Variants in KCNH8 observed in about 807,000 individuals in gnomAD.
KCNH8 encodes voltage-gated delayed rectifier potassium channel KCNH8.
A neutral mutation model predicts 103.6 loss-of-function variants in KCNH8; 70 were observed. That is an observed-to-expected ratio of 0.68 (90% CI 0.56 to 0.82). The LOEUF (loss-of-function observed/expected upper bound fraction) is 0.82, where lower values mean the gene tolerates loss of function less well. KCNH8 is among the 40% of genes least tolerant of loss of function. The pLI is 0.00. For missense variants in KCNH8, 1,217 were observed against 1,329.9 expected (o/e 0.92, Z 1.32); for synonymous variants, 498 against 489.4 (o/e 1.02, Z -0.23).
chr3:19,496,435 G>C (rs1036363088), intron 11 of KCNH8, among the ~76,000 whole-genome samples: 1 of 152,112 alleles, frequency 6.6e-6, no homozygotes, highest in Non-Finnish European at 1.5e-5. Flanking sequence ...AGACTTTTCT[G>C]CATCTATTGA....
At chr3:19,275,404 G>A (rs543369040) in intron 2 of KCNH8, among the ~76,000 whole-genome samples, 1 of 151,966 alleles carries the variant, frequency 6.6e-6, no homozygotes, top group Admixed American at 6.5e-5. Context: ...CCCCCACGCT[G>A]CCCTCCACTG....
intron 11 of KCNH8, among the ~76,000 whole-genome samples, chr3:19,478,669 T>C (rs755891915): frequency 1.8e-4 from 28 of 152,154 alleles, no homozygotes; most frequent in Non-Finnish European, 3.5e-4. Flanking sequence ...ATATATCTCA[T>C]TTAATTCTCG....
intron 2 of KCNH8, among the ~76,000 whole-genome samples, chr3:19,260,528 A>G (rs1467037113): frequency 2.4e-5 from 3 of 127,252 alleles, no homozygotes; most frequent in South Asian, 4.9e-4. Flanking sequence ...ATATATATAT[A>G]TATATAGTAA....
intron 11 of KCNH8, among the ~76,000 whole-genome samples, chr3:19,472,750 G>A (rs538892618): frequency 5.3e-5 from 8 of 152,142 alleles, no homozygotes; most frequent in African/African-American, 1.4e-4. Flanking sequence ...ACATACCTAC[G>A]TTAATCAGAA....
intron 1 of KCNH8, among the ~76,000 whole-genome samples, chr3:19,186,842 A>T (rs761276558): frequency 6.6e-6 from 1 of 151,988 alleles, no homozygotes; most frequent in East Asian, 1.9e-4. Context: ...TAGTTTTTCA[A>T]TGGAGACACC....
intron 2 of KCNH8, among the ~76,000 whole-genome samples, chr3:19,262,986 TA>T (rs1358350060): frequency 6.6e-6 from 1 of 152,056 alleles, no homozygotes; most frequent in Non-Finnish European, 1.5e-5. Context: ...TATTTTTTTA[TA>T]AAGTTCTCCT....
intron 11 of KCNH8, among the ~76,000 whole-genome samples, chr3:19,472,195 CGTGTGTGT>C (rs57766729): frequency 0.16 from 21,945 of 137,254 alleles, 1,672 homozygotes; most frequent in Middle Eastern, 0.22. Context: ...TCACTTCATT[CGTGTGTGT>C]GTGTGTGTGT....
At chr3:19,273,786 G>C (rs1227150895) in intron 2 of KCNH8, among the ~76,000 whole-genome samples, 1 of 152,122 alleles carries the variant, frequency 6.6e-6, no homozygotes, top group Non-Finnish European at 1.5e-5. Flanking sequence ...AGCACCAGTG[G>C]TGTTTTTCTG....
At chr3:19,233,679 T>C (rs1198131987) in intron 1 of KCNH8, among the ~76,000 whole-genome samples, 1 of 152,192 alleles carries the variant, frequency 6.6e-6, no homozygotes, top group African/African-American at 2.4e-5. Flanking sequence ...GGATTTTCTC[T>C]GGGTACTCTG....
intron 1 of KCNH8, among the ~76,000 whole-genome samples, chr3:19,181,319 G>T (rs1302361029): frequency 1.3e-5 from 2 of 151,862 alleles, no homozygotes; most frequent in Non-Finnish European, 2.9e-5. Context: ...CACTCCAGAA[G>T]TTAGAAAAAG....
chr3:19,526,705 T>A (rs954787934), intron 15 of KCNH8, among the ~76,000 whole-genome samples: 2 of 152,022 alleles, frequency 1.3e-5, no homozygotes, highest in Non-Finnish European at 2.9e-5. Context: ...TTTGAAGTGC[T>A]GGGGACTTCC....
At chr3:19,277,887 T>C (rs1424529288) in intron 2 of KCNH8, among the ~76,000 whole-genome samples, 4 of 152,170 alleles carry the variant, frequency 2.6e-5, no homozygotes, top group African/African-American at 7.2e-5. Flanking sequence ...ACTGCTGCTA[T>C]ATAAAGAAGG....
chr3:19,317,297 T>C (rs2065286847), intron 3 of KCNH8, among the ~76,000 whole-genome samples: 1 of 151,978 alleles, frequency 6.6e-6, no homozygotes, highest in African/African-American at 2.4e-5. Flanking sequence ...AGAATTCTTA[T>C]AAACTTGCTT....
At chr3:19,234,703 C>T (rs966365794) in intron 1 of KCNH8, among the ~76,000 whole-genome samples, 2 of 152,254 alleles carry the variant, frequency 1.3e-5, no homozygotes, top group African/African-American at 4.8e-5. Context: ...AGTGCAGCGG[C>T]GGGCTGAAGG....
Position 19,534,922 on chromosome 3 carries a change from AAAAG to A in KCNH8, c.*827_*830del, listed in dbSNP as rs1222434919. Reference sequence around the variant, plus strand: ...ATGTATTCTCATGCTTCTGGATTATAAAAGAAAAGTGAAGTCATATTTTGTTAAT... The same window carrying A: ...ATGTATTCTCATGCTTCTGGATTATAAAAAGTGAAGTCATATTTTGTTAAT... On this transcript the variant is annotated 3_prime_UTR_variant, in exon 16 of 16. Coordinates refer to ENST00000328405, the MANE Select transcript of KCNH8 (RefSeq NM_144633.3). 6.6e-6 allele frequency: 1 copy of A among 152,198 alleles called. No individual in the cohort carries two copies. The highest frequency in any genetic ancestry group is 1.5e-5 in the Non-Finnish European group (1 of 68,038). 9.4% of individuals were successfully genotyped at this position (152,198 alleles called of 1,614,324 possible). A position where few individuals can be genotyped will look rare whatever the true frequency, so the allele number is the denominator to read the frequency against.
At chr3:19,153,591 A>ATTTTTC (rs1218079171) in intron 1 of KCNH8, among the ~76,000 whole-genome samples, 4 of 135,820 alleles carry the variant, frequency 2.9e-5, no homozygotes, top group African/African-American at 8.2e-5. Flanking sequence ...TCACTCAATC[A>ATTTTTC]TTTTTCTTTT....
At chr3:19,421,171 G>C (rs2066945745) in intron 7 of KCNH8, among the ~76,000 whole-genome samples, 1 of 152,204 alleles carries the variant, frequency 6.6e-6, no homozygotes, top group South Asian at 2.1e-4. Context: ...TGGGTAACAA[G>C]ATAAATAGGA....
At position 19,202,075 on chromosome 3, in the gene KCNH8, A is replaced by G. The variant is rs545998789; in HGVS notation, c.77-51579A>G. ...ACTTCATAAATGTATTTGCAGCACC[A>G]AATTCGTTGAGTTAGGAGAGTTGGG... On this transcript the variant is annotated intron_variant, in intron 1 of 15. Transcript: ENST00000328405. Among the ~76,000 whole-genome samples, 6 of 152,210 alleles carry G rather than the reference A, an allele frequency of 3.9e-5. No homozygotes were observed. In the South Asian group the frequency reaches 1.2e-3, roughly 32 times the overall value.
At chr3:19,382,168 T>A (rs1479619317) in intron 5 of KCNH8, among the ~76,000 whole-genome samples, 1 of 152,218 alleles carries the variant, frequency 6.6e-6, no homozygotes, top group Non-Finnish European at 1.5e-5. Flanking sequence ...ATGCTAAATA[T>A]TATCTTTATA....
Sources: gnomAD v4.1 joint callset for allele counts (sites outside exome capture counted in the v4.1 genomes callset) on GRCh38, gnomAD v4.1.1 for gene constraint, MANE v1.5 for transcripts, NCBI Gene and HGNC (gene_info 2026-07-23, HGNC 2026-07-21) for gene names.